Variants in BTBD9 observed in about 807,000 individuals in gnomAD.
BTBD9 encodes the protein BTB/POZ domain-containing protein 9.
In BTBD9, 49 loss-of-function variants were observed where a neutral mutation model predicts 64.3. That is an observed-to-expected ratio of 0.76 (90% CI 0.61 to 0.97). The LOEUF (loss-of-function observed/expected upper bound fraction) is 0.97. BTBD9 is among the 50% of genes least tolerant of loss of function. BTBD9 has a pLI of 0.00. For missense variants in BTBD9, 598 were observed against 762.1 expected, an observed-to-expected ratio of 0.78 and a Z score of 2.53; for synonymous variants, 260 against 274.7, an observed-to-expected ratio of 0.95 and a Z score of 0.53.
At chr6:38,567,641 G>A (rs993754669) in intron 6 of BTBD9, among the ~76,000 whole-genome samples, 5 of 152,078 alleles carry the variant, frequency 3.3e-5, no homozygotes, top group African/African-American at 7.2e-5. Context: ...ACCAGGCCTG[G>A]CACTCTGCCC....
At chr6:38,421,297 A>G (rs1372337945) in intron 6 of BTBD9, among the ~76,000 whole-genome samples, 1 of 152,228 alleles carries the variant, frequency 6.6e-6, no homozygotes, top group Non-Finnish European at 1.5e-5. Flanking sequence ...CAGAGGTTAC[A>G]GTGAGCTAAT....
rs1241505199 is a variant in BTBD9 at position 38,218,589 on chromosome 6, T to C, written c.1563-25992A>G. On this transcript the variant is annotated intron_variant, in intron 9 of 10. Coordinates refer to ENST00000481247, the MANE Select transcript of BTBD9 (RefSeq NM_001099272.2). Reference sequence around the variant, plus strand: ...ACTTTAGATCCCTTCCCAAATATTCTGTGCCATTCCAGTAGGTGTGGCCCA... The same window carrying C: ...ACTTTAGATCCCTTCCCAAATATTCCGTGCCATTCCAGTAGGTGTGGCCCA... Among the ~76,000 whole-genome samples, 3 of 152,246 alleles carry C rather than the reference T, an allele frequency of 2.0e-5. No homozygotes were observed. The East Asian group carries it at 5.8e-4, about 29-fold the overall frequency.
At chr6:38,403,744 C>G (rs1425482218) in intron 6 of BTBD9, among the ~76,000 whole-genome samples, 3 of 152,112 alleles carry the variant, frequency 2.0e-5, no homozygotes, top group Admixed American at 2.0e-4. Context: ...CTCAAGGGAT[C>G]TGAAAACATA....
chr6:38,434,392 G>C (rs139361242), intron 6 of BTBD9, among the ~76,000 whole-genome samples: 1 of 151,960 alleles, frequency 6.6e-6, no homozygotes, highest in East Asian at 1.9e-4. Flanking sequence ...TTGATCCCAG[G>C]TCTTTAGACA....
chr6:38,606,571 AT>A (rs896646486), intron 1 of BTBD9, among the ~76,000 whole-genome samples: 56 of 152,336 alleles, frequency 3.7e-4, no homozygotes, highest in African/African-American at 1.3e-3. Flanking sequence ...GCATTAAAAT[AT>A]TTGTTGACTA....
chr6:38,596,658 G>A (rs1298141489), intron 2 of BTBD9, among the ~76,000 whole-genome samples: 2 of 152,136 alleles, frequency 1.3e-5, no homozygotes, highest in East Asian at 1.9e-4. Flanking sequence ...AAAATTAGCC[G>A]AGCGTGGTGG....
At chr6:38,422,796 C>T (rs1767966376) in intron 6 of BTBD9, among the ~76,000 whole-genome samples, 1 of 152,064 alleles carries the variant, frequency 6.6e-6, no homozygotes, top group African/African-American at 2.4e-5. Flanking sequence ...AATCCATTAA[C>T]CCCTTTATAA....
At chr6:38,433,018 TTC>T (rs1562178734) in intron 6 of BTBD9, among the ~76,000 whole-genome samples, 1 of 151,996 alleles carries the variant, frequency 6.6e-6, no homozygotes, top group Non-Finnish European at 1.5e-5. Context: ...GTCTCAGATA[TTC>T]TGTTATAGCA....
At chr6:38,612,556 C>T (rs1018868986) in intron 1 of BTBD9, among the ~76,000 whole-genome samples, 18 of 152,126 alleles carry the variant, frequency 1.2e-4, no homozygotes, top group African/African-American at 4.3e-4. Flanking sequence ...TCATTAGAAA[C>T]AATGTTGCAA....
intron 6 of BTBD9, among the ~76,000 whole-genome samples, chr6:38,449,483 A>T (rs773006371): frequency 2.6e-5 from 4 of 152,148 alleles, no homozygotes; most frequent in Non-Finnish European, 5.9e-5. Flanking sequence ...CAGCCAACAA[A>T]TTTTTGACAA....
intron 9 of BTBD9, among the ~76,000 whole-genome samples, chr6:38,206,291 C>T (rs1762648043): frequency 6.6e-6 from 1 of 151,802 alleles, no homozygotes. Flanking sequence ...TTTTGGCTCA[C>T]TGCAACCTCG....
rs551321850 is a variant in BTBD9, at chr6:38,429,984, C to T, written c.1155-84891G>A. Among the ~76,000 whole-genome samples, 14 of 152,112 alleles carry T rather than the reference C, an allele frequency of 9.2e-5. No homozygotes were observed. In the East Asian group the frequency reaches 2.5e-3, roughly 27 times the overall value. On this transcript the variant is annotated intron_variant, in intron 6 of 10. Coordinates refer to ENST00000481247, the MANE Select transcript of BTBD9 (RefSeq NM_001099272.2). ...TTAAAGTGGAAGATACTCATTTAAT[C>T]TCCCTTTGATTCTCTTACCTACCCT...
chr6:38,322,307 A>G (rs1763269478), intron 7 of BTBD9, among the ~76,000 whole-genome samples: 1 of 152,058 alleles, frequency 6.6e-6, no homozygotes, highest in Non-Finnish European at 1.5e-5. Flanking sequence ...AAAAATCCAC[A>G]TGCTCTTGCT....
At chr6:38,475,010 T>C (rs1156797337) in intron 6 of BTBD9, among the ~76,000 whole-genome samples, 1 of 152,188 alleles carries the variant, frequency 6.6e-6, no homozygotes, top group East Asian at 1.9e-4. Flanking sequence ...AGTCAAATTA[T>C]GGTACCTCTA....
chr6:38,587,713 C>G, intron 4 of BTBD9: 1 of 647,558 alleles, frequency 1.5e-6, no homozygotes, highest in Non-Finnish European at 2.9e-6. Context: ...ACCTGGAAAA[C>G]CAGGACCTTC....
chr6:38,195,383 C>A (rs1441296202), intron 9 of BTBD9, among the ~76,000 whole-genome samples: 2 of 152,188 alleles, frequency 1.3e-5, no homozygotes, highest in Non-Finnish European at 2.9e-5. Flanking sequence ...TAGGCAAAAC[C>A]TCCAGGAAAG....
intron 8 of BTBD9, among the ~76,000 whole-genome samples, chr6:38,268,084 T>A (rs1197849309): frequency 1.3e-5 from 2 of 152,196 alleles, no homozygotes; most frequent in African/African-American, 4.8e-5. Flanking sequence ...ATATCTTCAG[T>A]GTTCTATAGA....
intron 9 of BTBD9, among the ~76,000 whole-genome samples, chr6:38,210,530 G>A (rs1437498424): frequency 2.3e-5 from 2 of 86,186 alleles, no homozygotes; most frequent in African/African-American, 4.2e-5. Context: ...GGGAGAGTGC[G>A]TGTGTTTGTG....
chr6:38,175,005 G>A lies in BTBD9; in HGVS notation c.1819C>T (p.Pro607Ser). ...CTCCTTTATTGGTGCTGCCGGTTGG[G>A]GGAGCGTGAGTTGGAGCCTGGGCTG... ...PSSPGSNSRS[P>S]NRQHQ The change falls in exon 11 of 11, where the codon CCC (proline) becomes TCC (serine). Residue 607 changes from proline to serine, a missense_variant. By Grantham distance (74) the Pro-to-Ser change is moderately conservative (BLOSUM62 -1). Coordinates refer to ENST00000481247, the MANE Select transcript of BTBD9 (RefSeq NM_001099272.2). 1 of 1,614,006 alleles carries A rather than the reference G, an allele frequency of 6.2e-7. No individual in the cohort carries two copies. Among genetic ancestry groups the A allele is most frequent in the East Asian group, 2.2e-5 (1 of 44,888 alleles).
Sources: gnomAD v4.1 joint callset for allele counts (sites outside exome capture counted in the v4.1 genomes callset) on GRCh38, gnomAD v4.1.1 for gene constraint, MANE v1.5 for transcripts, NCBI Gene and HGNC (gene_info 2026-07-23, HGNC 2026-07-21) for gene names.